The following CDK14 variants were observed in gnomAD, a reference collection of about 807,000 sequenced individuals.
CDK14 encodes cyclin-dependent kinase 14.
Under a neutral mutation model 60.7 loss-of-function variants are expected in CDK14, and 34 were observed. That is an observed-to-expected ratio of 0.56 (90% CI 0.43 to 0.75). The LOEUF (loss-of-function observed/expected upper bound fraction) is 0.75. CDK14 is among the 30% of genes least tolerant of loss of function. The pLI, the probability that CDK14 is intolerant of heterozygous loss-of-function variation, is 0.00. For missense variants in CDK14, 482 were observed against 564.1 expected, an observed-to-expected ratio of 0.85 and a Z score of 1.47; for synonymous variants, 197 against 203.7, an observed-to-expected ratio of 0.97 and a Z score of 0.28.
chr7:90,829,846 A>T (rs913605494), intron 5 of CDK14, among the ~76,000 whole-genome samples: 1 of 152,098 alleles, frequency 6.6e-6, no homozygotes, highest in African/African-American at 2.4e-5. Flanking sequence ...TTAAATCTTA[A>T]AGCTCCAAAA....
chr7:90,758,008 T>G (rs1028967618), intron 4 of CDK14, among the ~76,000 whole-genome samples: 4 of 152,232 alleles, frequency 2.6e-5, no homozygotes, highest in African/African-American at 7.2e-5. Flanking sequence ...TTTGGATCTC[T>G]TATCCATGTA....
chr7:90,647,855 TA>T (rs1417350438), intron 2 of CDK14, among the ~76,000 whole-genome samples: 1 of 152,026 alleles, frequency 6.6e-6, no homozygotes, highest in Non-Finnish European at 1.5e-5. Context: ...GATCCTGTAT[TA>T]AAAAAATAGA....
chr7:90,617,324 G>A (rs565995858), intron 2 of CDK14, among the ~76,000 whole-genome samples: 207 of 152,034 alleles, frequency 1.4e-3, no homozygotes, highest in African/African-American at 4.9e-3. Context: ...TCCAAACTAC[G>A]CTGCCTCCCA....
chr7:90,818,132 T>C (rs1348597849), intron 5 of CDK14, among the ~76,000 whole-genome samples: 1 of 152,170 alleles, frequency 6.6e-6, no homozygotes, highest in African/African-American at 2.4e-5. Context: ...CAACTCCTGC[T>C]CCAGATTTCC....
intron 2 of CDK14, among the ~76,000 whole-genome samples, chr7:90,709,033 TG>T (rs1264394283): frequency 6.6e-6 from 1 of 152,136 alleles, no homozygotes; most frequent in Non-Finnish European, 1.5e-5. Context: ...TTGTGAGATC[TG>T]GCTTGTTTTG....
chr7:90,768,704 G>A (rs1804666004), intron 4 of CDK14, among the ~76,000 whole-genome samples: 1 of 152,162 alleles, frequency 6.6e-6, no homozygotes, highest in African/African-American at 2.4e-5. Context: ...TGACAACTAA[G>A]CAATTGTGTT....
At chr7:90,721,386 T>A (rs1802445595) in intron 2 of CDK14, among the ~76,000 whole-genome samples, 1 of 152,220 alleles carries the variant, frequency 6.6e-6, no homozygotes, top group South Asian at 2.1e-4. Context: ...TCTTTTGAAA[T>A]CATAATGAAC....
intron 12 of CDK14, among the ~76,000 whole-genome samples, chr7:91,110,234 CAA>C (rs1307526107): frequency 6.6e-6 from 1 of 152,036 alleles, no homozygotes; most frequent in Admixed American, 6.6e-5. Flanking sequence ...TTTTATATAA[CAA>C]ATATGTATTA....
intron 14 of CDK14, among the ~76,000 whole-genome samples, chr7:91,139,414 G>A (rs927551162): frequency 6.6e-6 from 1 of 152,100 alleles, no homozygotes; most frequent in Non-Finnish European, 1.5e-5. Context: ...TTAATAAAAT[G>A]CATTTTTTCT....
intron 14 of CDK14, among the ~76,000 whole-genome samples, chr7:91,197,499 A>G (rs141990485): frequency 0.022 from 3,395 of 152,130 alleles, 65 homozygotes; most frequent in Non-Finnish European, 0.033. Flanking sequence ...TTCTATCATG[A>G]CTGCTCTGGT....
At chr7:90,807,557 G>A (rs1788906206) in intron 5 of CDK14, among the ~76,000 whole-genome samples, 1 of 152,194 alleles carries the variant, frequency 6.6e-6, no homozygotes, top group African/African-American at 2.4e-5. Context: ...AAATCCGAGT[G>A]CCTCTCCTCC....
chr7:90,785,805 AAG>A (rs140913755), intron 4 of CDK14, among the ~76,000 whole-genome samples: 44,796 of 126,622 alleles, frequency 0.35, 8,406 homozygotes, highest in East Asian at 0.73. Flanking sequence ...AAAAAAAAAA[AAG>A]AGAAAACTTC....
At chr7:90,811,906 G>A (rs979489560) in intron 5 of CDK14, among the ~76,000 whole-genome samples, 9 of 151,846 alleles carry the variant, frequency 5.9e-5, no homozygotes, top group African/African-American at 1.7e-4. Context: ...GCAAATCAAA[G>A]CCACAATGAG....
chr7:90,620,528 T>C (rs184403158), intron 2 of CDK14, among the ~76,000 whole-genome samples: 189 of 152,300 alleles, frequency 1.2e-3, no homozygotes, highest in Non-Finnish European at 2.2e-3. Flanking sequence ...ATTTATAATC[T>C]GTGTGAGGCC....
intron 12 of CDK14, among the ~76,000 whole-genome samples, chr7:91,095,516 C>T (rs566964536): frequency 1.3e-5 from 2 of 152,242 alleles, no homozygotes; most frequent in East Asian, 3.9e-4. Context: ...AAGTAAAAAC[C>T]GAGTTGCCCC....
intron 8 of CDK14, among the ~76,000 whole-genome samples, chr7:90,926,961 C>G (rs1234319648): frequency 3.9e-5 from 6 of 152,106 alleles, no homozygotes; most frequent in Non-Finnish European, 8.8e-5. Context: ...AAGGATACAA[C>G]TGGGGAACAG....
At chr7:91,120,125 A>G (rs904498662) in intron 14 of CDK14, among the ~76,000 whole-genome samples, 1 of 152,188 alleles carries the variant, frequency 6.6e-6, no homozygotes, top group Non-Finnish European at 1.5e-5. Context: ...TTGTGCTGCT[A>G]CCTCATACAC....
At chr7:91,010,622 A>G (rs1469038374) in intron 10 of CDK14, among the ~76,000 whole-genome samples, 1 of 151,946 alleles carries the variant, frequency 6.6e-6, no homozygotes, top group East Asian at 1.9e-4. Context: ...AAATCAACTT[A>G]TTCTAGTTGT....
rs147601499 is a variant in CDK14, at chr7:90,758,272, G to GTCTC, written c.464+10513_464+10516dup. ...TGTCTTTGTCTTTCACTGTCTCTTTGTCTCTCTCTCTCTCTCTCTGTTTTT... is the reference window on the plus strand; with the variant it reads ...TGTCTTTGTCTTTCACTGTCTCTTTGTCTCTCTCTCTCTCTCTCTCTCTGTTTTT... On this transcript the variant is annotated intron_variant, in intron 4 of 14. Coordinates refer to ENST00000380050, the MANE Select transcript of CDK14 (RefSeq NM_001287135.2). 2.7e-3 allele frequency among the ~76,000 whole-genome samples: 401 copies of GTCTC among 149,440 alleles called. 1 individual carries two copies. The highest frequency in any genetic ancestry group is 3.8e-3 in the Non-Finnish European group (258 of 67,096).
Sources: allele counts gnomAD v4.1 joint callset (sites outside exome capture counted in the v4.1 genomes callset), GRCh38; gene constraint gnomAD v4.1.1; transcripts MANE v1.5; gene names NCBI Gene and HGNC (gene_info 2026-07-23, HGNC 2026-07-21).